PTCHD4: variants seen among roughly 807,000 people sequenced by gnomAD.
PTCHD4 encodes patched domain containing 4.
A neutral mutation model predicts 58.1 loss-of-function variants in PTCHD4; 33 were observed. The observed-to-expected ratio is 0.57, with a 90% CI of 0.43 to 0.76. The LOEUF (loss-of-function observed/expected upper bound fraction) is 0.76. Ranked by LOEUF, PTCHD4 falls within the 30% of genes least tolerant of loss-of-function variation. The pLI, the probability that PTCHD4 is intolerant of heterozygous loss-of-function variation, is 0.00. For missense variants in PTCHD4, 1,058 were observed against 1,027.1 expected (o/e 1.03, Z -0.41); for synonymous variants, 478 against 409.6 (o/e 1.17, Z -2.02).
intron 1 of PTCHD4, among the ~76,000 whole-genome samples, chr6:48,107,474 T>A (rs924030835): frequency 6.6e-6 from 1 of 152,184 alleles, no homozygotes; most frequent in African/African-American, 2.4e-5. Flanking sequence ...GACTTAAATG[T>A]TAGACCTAAA....
intron 4 of PTCHD4, among the ~76,000 whole-genome samples, chr6:47,921,835 A>C (rs1561958496): frequency 6.6e-6 from 1 of 151,910 alleles, no homozygotes; most frequent in African/African-American, 2.4e-5. Flanking sequence ...TGGCAGCAAA[A>C]TAGGGTGGCT....
At chr6:48,026,233 A>T (rs1336811302) in intron 3 of PTCHD4, among the ~76,000 whole-genome samples, 1 of 152,140 alleles carries the variant, frequency 6.6e-6, no homozygotes, top group African/African-American at 2.4e-5. Flanking sequence ...TCCCTGGGCT[A>T]GAAGTCTTTC....
chr6:47,968,804 T>C (rs890445156), intron 4 of PTCHD4, among the ~76,000 whole-genome samples: 1 of 152,108 alleles, frequency 6.6e-6, no homozygotes, highest in Non-Finnish European at 1.5e-5. Context: ...AAGGAAAACT[T>C]TATAATGAAA....
intron 4 of PTCHD4, among the ~76,000 whole-genome samples, chr6:47,956,857 T>G (rs1766881416): frequency 1.3e-5 from 2 of 152,120 alleles, no homozygotes; most frequent in Non-Finnish European, 2.9e-5. Context: ...AGAATTTGTT[T>G]TCTATCATTT....
Position 47,880,102 on chromosome 6 carries a change from T to C in PTCHD4, c.899-166A>G, listed in dbSNP as rs574019412. On this transcript the variant is annotated intron_variant, in intron 4 of 4. Coordinates refer to ENST00000339488, the MANE Select transcript of PTCHD4 (RefSeq NM_001384253.1). ...AAGTTGAGTTATGGACAGGATACAT[T>C]TGGTCCCTGTTTCACTTTAGCAAAG... Among the ~76,000 whole-genome samples the C allele has an allele frequency of 2.0e-5, 3 of 152,168 alleles. No homozygotes were observed. The South Asian group carries it at 6.2e-4, about 32-fold the overall frequency.
chr6:48,043,038 CAG>C (rs745686126), intron 3 of PTCHD4, among the ~76,000 whole-genome samples: 1 of 151,844 alleles, frequency 6.6e-6, no homozygotes, highest in Non-Finnish European at 1.5e-5. Flanking sequence ...CTGTACAGAA[CAG>C]AGAGACAGTA....
chr6:47,912,715 A>G (rs1765108704), intron 4 of PTCHD4, among the ~76,000 whole-genome samples: 1 of 152,168 alleles, frequency 6.6e-6, no homozygotes, highest in African/African-American at 2.4e-5. Flanking sequence ...TTGAGGTAAA[A>G]TAAACCCTTC....
intron 4 of PTCHD4, among the ~76,000 whole-genome samples, chr6:47,935,013 ATATCT>A (rs1348899637): frequency 6.6e-6 from 1 of 152,212 alleles, no homozygotes; most frequent in African/African-American, 2.4e-5. Context: ...GGGTTGAAAA[ATATCT>A]TATGTTACTT....
At chr6:48,095,846 T>A (rs1177347322) in intron 1 of PTCHD4, among the ~76,000 whole-genome samples, 1 of 152,170 alleles carries the variant, frequency 6.6e-6, no homozygotes, top group Non-Finnish European at 1.5e-5. Context: ...GCCTGCTCTC[T>A]GATGTCAGCT....
At chr6:47,883,013 C>T (rs1370405922) in intron 4 of PTCHD4, among the ~76,000 whole-genome samples, 1 of 151,400 alleles carries the variant, frequency 6.6e-6, no homozygotes, top group Non-Finnish European at 1.5e-5. Flanking sequence ...TAGATGGGTC[C>T]AAAAATAGAT....
chr6:48,070,212 A>G (rs1327778558), intron 1 of PTCHD4, among the ~76,000 whole-genome samples: 1 of 151,614 alleles, frequency 6.6e-6, no homozygotes, highest in Non-Finnish European at 1.5e-5. Flanking sequence ...TGAACTGGAG[A>G]TTTGCTTTCC....
intron 3 of PTCHD4, among the ~76,000 whole-genome samples, chr6:48,016,903 G>T (rs1762888360): frequency 1.3e-5 from 2 of 152,190 alleles, no homozygotes; most frequent in South Asian, 4.1e-4. Flanking sequence ...TACTAGGTTG[G>T]CATTCAGACA....
chr6:48,011,754 G>A (rs1287089544), intron 3 of PTCHD4, among the ~76,000 whole-genome samples: 3 of 152,122 alleles, frequency 2.0e-5, no homozygotes, highest in Non-Finnish European at 1.5e-5. Flanking sequence ...TTTGTATAAG[G>A]TGTAAGGAAA....
intron 3 of PTCHD4, among the ~76,000 whole-genome samples, chr6:48,041,307 T>A (rs536718442): frequency 6.6e-6 from 1 of 152,200 alleles, no homozygotes; most frequent in Non-Finnish European, 1.5e-5. Context: ...ATATAGGACA[T>A]CAGCTCTTTA....
chr6:48,012,460 A>C (rs147688612), intron 3 of PTCHD4, among the ~76,000 whole-genome samples: 2 of 152,142 alleles, frequency 1.3e-5, no homozygotes, highest in East Asian at 1.9e-4. Context: ...TTATCAGCTT[A>C]AGGAGATTTG....
rs1200803872 is a variant in PTCHD4, at chr6:47,861,132, TG to T, written c.*17170del. Reference sequence around the variant, plus strand: ...AACTTGGCGTGAAGAAGGGCAAGATTGTTTTTCTCCATCTGTAGATGAATTC... The same window carrying T: ...AACTTGGCGTGAAGAAGGGCAAGATTTTTTTCTCCATCTGTAGATGAATTC... On this transcript the variant is annotated 3_prime_UTR_variant, in exon 5 of 5. Coordinates refer to ENST00000339488, the MANE Select transcript of PTCHD4 (RefSeq NM_001384253.1). Among the ~76,000 whole-genome samples the T allele has an allele frequency of 6.6e-6, 1 of 151,936 alleles. No individual in the cohort carries two copies. Among genetic ancestry groups the T allele is most frequent in the African/African-American group, 2.4e-5 (1 of 41,410 alleles).
At position 47,878,317 on chromosome 6, in the gene PTCHD4, C is replaced by T. The variant is rs755323079; in HGVS notation, c.2518G>A (p.Val840Ile). 26 of 1,595,014 alleles carry T rather than the reference C, an allele frequency of 1.6e-5. No individual in the cohort carries two copies. Among genetic ancestry groups the T allele is most frequent in the South Asian group, 4.6e-5 (4 of 87,214 alleles). The part of the protein sequence containing the change: ...CIEIQENPDH[V>I]TTV ...GTCTATACCCCTCATACTGTGGTGA[C>T]GTGATCCGGGTTCTCTTGAATTTCT... Residue 840 changes from valine to isoleucine, a missense_variant, in exon 5 of 5, where the codon GTC (valine) becomes ATC (isoleucine). Coordinates refer to ENST00000339488, the MANE Select transcript of PTCHD4 (RefSeq NM_001384253.1).
At chr6:47,930,058 T>A (rs1490307924) in intron 4 of PTCHD4, among the ~76,000 whole-genome samples, 1 of 152,198 alleles carries the variant, frequency 6.6e-6, no homozygotes, top group Non-Finnish European at 1.5e-5. Flanking sequence ...TCTATTGACT[T>A]TCATGCCCTT....
intron 4 of PTCHD4, among the ~76,000 whole-genome samples, chr6:47,990,118 C>T (rs1234841260): frequency 4.6e-5 from 7 of 152,042 alleles, no homozygotes; most frequent in Non-Finnish European, 1.0e-4. Flanking sequence ...ATTTCAGACC[C>T]CTTTGTTTTG....
Sources: gnomAD v4.1 joint callset for allele counts (sites outside exome capture counted in the v4.1 genomes callset) on GRCh38, gnomAD v4.1.1 for gene constraint, MANE v1.5 for transcripts, NCBI Gene and HGNC (gene_info 2026-07-23, HGNC 2026-07-21) for gene names.